The following CTNNA3 variants were observed in gnomAD, a reference collection of about 807,000 sequenced individuals.
CTNNA3 encodes catenin alpha-3.
CTNNA3 carries 76 observed loss-of-function variants against 95.7 expected under a neutral mutation model. The ratio of observed to expected loss-of-function variants is 0.79; its 90% confidence interval spans 0.66 to 0.96. The LOEUF is 0.96. Ranked by LOEUF, CTNNA3 falls within the 40% of genes least tolerant of loss-of-function variation. The pLI is 0.00. For synonymous variants in CTNNA3, 431 were observed against 374.4 expected, an observed-to-expected ratio of 1.15 and a Z score of -1.74; for missense variants, 1,191 against 1,089.8, an observed-to-expected ratio of 1.09 and a Z score of -1.31.
rs536715603 is a variant in CTNNA3, at chr10:66,299,882, T to G, written c.1733-19261A>C. The stretch of plus-strand genomic sequence containing the variant: ...TAATATACATCCAGAAATAGTAAAA[T>G]ACAATGAGGAAATTTTTTTTCTTTT... On this transcript the variant is annotated intron_variant, in intron 12 of 17. Coordinates refer to ENST00000433211, the MANE Select transcript of CTNNA3 (RefSeq NM_013266.4). 2.0e-5 allele frequency among the ~76,000 whole-genome samples: 3 copies of G among 151,796 alleles called. No individual in the cohort carries two copies. In the East Asian group the frequency reaches 5.8e-4, roughly 29 times the overall value.
At chr10:66,208,393 T>C (rs1364013451) in intron 13 of CTNNA3, among the ~76,000 whole-genome samples, 1 of 145,584 alleles carries the variant, frequency 6.9e-6, no homozygotes, top group Non-Finnish European at 1.6e-5. Context: ...CCTAGGCTGA[T>C]AATATACTAG....
rs535301701 is a variant in CTNNA3, at chr10:67,756,294, A to G, written c.-2+7140T>C. ...GGGTGTCTATAGTCTACAGTAGTCT[A>G]TTGTACATTTCAAAAAAGCTAGAAG... On this transcript the variant is annotated intron_variant, in intron 1 of 17. Transcript: ENST00000684154. 3.7e-4 allele frequency among the ~76,000 whole-genome samples: 57 copies of G among 152,316 alleles called. No homozygotes were observed. The South Asian group carries it at 4.1e-3, about 11-fold the overall frequency.
At chr10:66,223,144 T>A (rs375606026) in intron 13 of CTNNA3, among the ~76,000 whole-genome samples, 51 of 152,170 alleles carry the variant, frequency 3.4e-4, no homozygotes, top group African/African-American at 1.0e-3. Context: ...CTGAAATGCA[T>A]CTTTTGGACA....
chr10:66,382,835 C>G (rs2132501276), intron 11 of CTNNA3, among the ~76,000 whole-genome samples: 1 of 152,252 alleles, frequency 6.6e-6, no homozygotes, highest in African/African-American at 2.4e-5. Flanking sequence ...TCCAACAGAC[C>G]TGCAGCTGAG....
At chr10:66,215,749 G>GTT (rs1385290876) in intron 13 of CTNNA3, among the ~76,000 whole-genome samples, 1 of 152,104 alleles carries the variant, frequency 6.6e-6, no homozygotes, top group Non-Finnish European at 1.5e-5. Flanking sequence ...TGGAGTTTAG[G>GTT]TATCATAGGC....
chr10:67,160,994 C>A (rs766708726), intron 7 of CTNNA3, among the ~76,000 whole-genome samples: 27 of 151,986 alleles, frequency 1.8e-4, no homozygotes, highest in Non-Finnish European at 3.2e-4. Context: ...CACAGAGAAG[C>A]AGAGGGTAGA....
intron 10 of CTNNA3, among the ~76,000 whole-genome samples, chr10:66,578,030 G>C (rs1843061167): frequency 6.6e-6 from 1 of 151,870 alleles, no homozygotes; most frequent in African/African-American, 2.4e-5. Flanking sequence ...TCTTTGCAAG[G>C]TTCTTTAAGG....
At position 67,632,608 on chromosome 10, in the gene CTNNA3, A is replaced by G. The variant is rs1449194459; in HGVS notation, c.99+14807T>C. Among the ~76,000 whole-genome samples, 39 of 152,168 alleles carry G rather than the reference A, an allele frequency of 2.6e-4. 1 individual carries two copies. Among genetic ancestry groups the G allele is most frequent in the Non-Finnish European group, 1.5e-5 (1 of 68,026 alleles). The stretch of plus-strand genomic sequence containing the variant: ...CCAAATGAACCCCCACCCTGAGCCA[A>G]GTAAAGCAGTAAGTGATTGTGAGAC... On this transcript the variant is annotated intron_variant, in intron 2 of 17. Transcript: ENST00000433211.
At position 66,084,513 on chromosome 10, in the gene CTNNA3, A is replaced by G. The variant is rs1163734254; in HGVS notation, c.1978-15024T>C. On this transcript the variant is annotated intron_variant, in intron 14 of 17. Coordinates refer to ENST00000433211, the MANE Select transcript of CTNNA3 (RefSeq NM_013266.4). ...ATTTCTAAAATTCTAGATTACTTAC[A>G]AAAATGTAGGCAGTACCTAAAATAG... Among the ~76,000 whole-genome samples, 2 of 152,220 alleles carry G rather than the reference A, an allele frequency of 1.3e-5. 1 individual carries two copies. Among genetic ancestry groups the G allele is most frequent in the African/African-American group, 4.8e-5 (2 of 41,470 alleles).
At chr10:66,139,227 T>C (rs891727276) in intron 13 of CTNNA3, among the ~76,000 whole-genome samples, 1 of 152,206 alleles carries the variant, frequency 6.6e-6, no homozygotes, top group East Asian at 1.9e-4. Context: ...CCTTTCTTAC[T>C]TCAGTGGAGC....
Position 66,963,599 on chromosome 10 carries a change from G to C in CTNNA3, c.1048-188075C>G, listed in dbSNP as rs1849239985. ...GGTAGTTTGGGTAGAGAGGTTTACTGGGTTCACCCTAACCCTGACAGTTCC... is the reference window on the plus strand; with the variant it reads ...GGTAGTTTGGGTAGAGAGGTTTACTCGGTTCACCCTAACCCTGACAGTTCC... On this transcript the variant is annotated intron_variant, in intron 7 of 17. Coordinates refer to ENST00000433211, the MANE Select transcript of CTNNA3 (RefSeq NM_013266.4). Among the ~76,000 whole-genome samples, 3 of 152,080 alleles carry C rather than the reference G, an allele frequency of 2.0e-5. No homozygotes were observed. In the South Asian group the frequency reaches 6.2e-4, roughly 32 times the overall value.
intron 3 of CTNNA3, among the ~76,000 whole-genome samples, chr10:67,563,176 C>T (rs981065915): frequency 5.3e-5 from 8 of 151,992 alleles, no homozygotes; most frequent in African/African-American, 9.7e-5. Context: ...GAGCCCGCAT[C>T]GCCAAGACAA....
chr10:66,516,064 G>GAAAA (rs5785760), intron 11 of CTNNA3, among the ~76,000 whole-genome samples: 1 of 141,214 alleles, frequency 7.1e-6, no homozygotes. Context: ...TAATTATCTG[G>GAAAA]AAAAAAAAAA....
chr10:66,020,914 C>A (rs1234470101), intron 15 of CTNNA3, among the ~76,000 whole-genome samples: 2 of 152,144 alleles, frequency 1.3e-5, no homozygotes, highest in Middle Eastern at 3.4e-3. Flanking sequence ...ACCTCATGAT[C>A]CGCCCTCCTT....
At chr10:66,520,040 T>C (rs915172033) in intron 11 of CTNNA3, among the ~76,000 whole-genome samples, 1 of 152,022 alleles carries the variant, frequency 6.6e-6, no homozygotes, top group African/African-American at 2.4e-5. Flanking sequence ...TTTTCTAATA[T>C]GTTTTGGCCA....
At chr10:66,635,916 A>G (rs1248010953) in intron 9 of CTNNA3, among the ~76,000 whole-genome samples, 1 of 151,902 alleles carries the variant, frequency 6.6e-6, no homozygotes, top group Non-Finnish European at 1.5e-5. Flanking sequence ...ATTTACCATA[A>G]TTATAATCCC....
intron 11 of CTNNA3, among the ~76,000 whole-genome samples, chr10:66,503,191 T>C (rs76029864): frequency 5.9e-4 from 90 of 152,324 alleles, no homozygotes; most frequent in Non-Finnish European, 9.3e-4. Flanking sequence ...TTAAAATATG[T>C]AATTTATTCA....
At chr10:67,118,291 T>C (rs1336831303) in intron 7 of CTNNA3, among the ~76,000 whole-genome samples, 2 of 151,972 alleles carry the variant, frequency 1.3e-5, no homozygotes, top group African/African-American at 2.4e-5. Flanking sequence ...GCTAGGATTA[T>C]CTGGTGTCTT....
intron 6 of CTNNA3, among the ~76,000 whole-genome samples, chr10:67,184,078 T>A (rs1319600869): frequency 6.6e-6 from 1 of 152,230 alleles, no homozygotes; most frequent in Admixed American, 6.5e-5. Context: ...ACAAGTATTA[T>A]TGTGATGGAG....
Sources: allele counts gnomAD v4.1 joint callset (sites outside exome capture counted in the v4.1 genomes callset), GRCh38; gene constraint gnomAD v4.1.1; transcripts MANE v1.5; gene names NCBI Gene and HGNC (gene_info 2026-07-23, HGNC 2026-07-21).